The following CUBN variants were observed in gnomAD, a reference collection of about 807,000 sequenced individuals.
The protein encoded by CUBN is cubilin.
Under a neutral mutation model 405.3 loss-of-function variants are expected in CUBN, and 282 were observed. That is an observed-to-expected ratio of 0.70 (90% CI 0.63 to 0.77). The LOEUF (loss-of-function observed/expected upper bound fraction) is 0.77, where lower values mean the gene tolerates loss of function less well. Ranked by LOEUF, CUBN falls within the 30% of genes least tolerant of loss-of-function variation. CUBN has a pLI of 0.00. For synonymous variants in CUBN, 1,684 were observed against 1,617.0 expected, an observed-to-expected ratio of 1.04 and a Z score of -0.99; for missense variants, 4,514 against 4,475.2, an observed-to-expected ratio of 1.01 and a Z score of -0.25.
chr10:16,992,814 A>G (rs1336338589), intron 28 of CUBN, among the ~76,000 whole-genome samples: 2 of 152,224 alleles, frequency 1.3e-5, no homozygotes, highest in Non-Finnish European at 2.9e-5. Flanking sequence ...AAGCCTACGA[A>G]AAAGCTGTTT....
intron 14 of CUBN, among the ~76,000 whole-genome samples, chr10:17,096,220 T>C (rs1836372801): frequency 6.6e-6 from 1 of 152,110 alleles, no homozygotes; most frequent in African/African-American, 2.4e-5. Context: ...ATGTACAGCA[T>C]GGTGACTATC....
In CUBN at chr10:16,913,981, C is replaced by A. The variant is rs761577575; in HGVS notation, c.7363G>T (p.Asp2455Tyr). The A allele has an allele frequency of 5.6e-6, 9 of 1,613,868 alleles. No homozygotes were observed. In the Admixed American group the frequency reaches 1.2e-4, roughly 21 times the overall value. The part of the protein sequence containing the change: ...FESSMEECGG[D>Y]LQGSIGTFTS... Reference sequence around the variant, plus strand: ...AATGTTCCAATAGAGCCCTGAAGATCCCCACCACACTCTGACGTGGGGAAA... The same window carrying A: ...AATGTTCCAATAGAGCCCTGAAGATACCCACCACACTCTGACGTGGGGAAA... The change falls in exon 48 of 67, where the codon GAT becomes TAT. Residue 2455 changes from aspartate (D) to tyrosine (Y), a missense_variant. Around this residue, in one of 5 missense-constraint regions of CUBN, gnomAD observed 1,613 missense variants for 1,542.8 expected, o/e 1.05. Coordinates refer to ENST00000377833, the MANE Select transcript of CUBN (RefSeq NM_001081.4).
chr10:16,936,797 C>G (rs1175859516), intron 39 of CUBN, among the ~76,000 whole-genome samples: 1 of 152,170 alleles, frequency 6.6e-6, no homozygotes, highest in Admixed American at 6.5e-5. Context: ...ACTACAAACT[C>G]TACTCTGCCT....
At chr10:16,997,736 A>G (rs1833775485) in intron 28 of CUBN, among the ~76,000 whole-genome samples, 1 of 152,234 alleles carries the variant, frequency 6.6e-6, no homozygotes, top group African/African-American at 2.4e-5. Context: ...AAAGTTGTCC[A>G]AAGGTGACTG....
chr10:16,892,008 A>G (rs1588625013), intron 54 of CUBN, among the ~76,000 whole-genome samples: 1 of 152,200 alleles, frequency 6.6e-6, no homozygotes, highest in African/African-American at 2.4e-5. Context: ...ATGATACCAA[A>G]TTACTCATTC....
At chr10:17,008,904 T>C (rs1834103698) in intron 28 of CUBN, among the ~76,000 whole-genome samples, 1 of 152,174 alleles carries the variant, frequency 6.6e-6, no homozygotes, top group African/African-American at 2.4e-5. Context: ...AAGACATCCT[T>C]AGTGTCTGTG....
At chr10:16,880,508 A>C (rs1840639143) in intron 56 of CUBN, among the ~76,000 whole-genome samples, 1 of 152,260 alleles carries the variant, frequency 6.6e-6, no homozygotes, top group Non-Finnish European at 1.5e-5. Flanking sequence ...CGGGGAAGAG[A>C]GAGCATGCTG....
At chr10:16,946,287 TACTCTAGG>T (rs1290562032) in intron 36 of CUBN, among the ~76,000 whole-genome samples, 1 of 152,076 alleles carries the variant, frequency 6.6e-6, no homozygotes, top group Non-Finnish European at 1.5e-5. Context: ...TTTTTACATC[TACTCTAGG>T]ACATATTATT....
At chr10:16,846,274 C>T (rs974886247) in intron 60 of CUBN, among the ~76,000 whole-genome samples, 7 of 152,276 alleles carry the variant, frequency 4.6e-5, no homozygotes, top group Non-Finnish European at 1.0e-4. Context: ...ATAACCCACC[C>T]GTATTTGTTT....
intron 14 of CUBN, among the ~76,000 whole-genome samples, chr10:17,090,908 T>G (rs1226452029): frequency 1.3e-5 from 2 of 151,984 alleles, no homozygotes; most frequent in East Asian, 3.8e-4. Flanking sequence ...GGGTATTTTT[T>G]CTTTAAAAAA....
At chr10:16,920,664 T>C (rs1490694187) in intron 43 of CUBN, among the ~76,000 whole-genome samples, 4 of 152,248 alleles carry the variant, frequency 2.6e-5, no homozygotes, top group African/African-American at 7.2e-5. Context: ...TTATTAGTAA[T>C]GTTATGCCAG....
At chr10:16,992,158 A>G (rs1833608765) in intron 28 of CUBN, among the ~76,000 whole-genome samples, 1 of 151,554 alleles carries the variant, frequency 6.6e-6, no homozygotes, top group Non-Finnish European at 1.5e-5. Context: ...ACCAAACACC[A>G]CATGTTCTCA....
intron 31 of CUBN, among the ~76,000 whole-genome samples, chr10:16,977,361 T>C (rs1833129155): frequency 6.6e-6 from 1 of 151,860 alleles, no homozygotes; most frequent in African/African-American, 2.4e-5. Context: ...GATGAGCAGA[T>C]AAATAGAAGA....
At chr10:16,967,007 T>C (rs1653669897) in intron 31 of CUBN, among the ~76,000 whole-genome samples, 1 of 152,090 alleles carries the variant, frequency 6.6e-6, no homozygotes, top group Admixed American at 6.6e-5. Context: ...AAACATTAAG[T>C]GATAGGGAGG....
rs1839326293 is a variant in CUBN at position 16,840,873 on chromosome 10, C to T, written c.9826+12G>A. The T allele has an allele frequency of 6.9e-6, 11 of 1,602,666 alleles. No individual in the cohort carries two copies. Among genetic ancestry groups the T allele is most frequent in the Non-Finnish European group, 9.4e-6 (11 of 1,171,112 alleles). On this transcript the variant is annotated intron_variant, in intron 61 of 66. Coordinates refer to ENST00000377833, the MANE Select transcript of CUBN (RefSeq NM_001081.4). ...TATTTCATAACATATAAAAATGCTT[C>T]TATTTACTCACTGTCCATGATGGTG...
chr10:16,936,463 A>G (rs1161003397), intron 39 of CUBN, among the ~76,000 whole-genome samples: 1 of 152,244 alleles, frequency 6.6e-6, no homozygotes, highest in African/African-American at 2.4e-5. Flanking sequence ...ACTAAGGGAC[A>G]TTAAATAAAT....
At chr10:16,912,455 A>G (rs1841759534) in intron 48 of CUBN, among the ~76,000 whole-genome samples, 1 of 152,220 alleles carries the variant, frequency 6.6e-6, no homozygotes. Flanking sequence ...GAAGCAGACA[A>G]TAAACTGATG....
At chr10:17,119,912 T>A (rs999226554) in intron 6 of CUBN, among the ~76,000 whole-genome samples, 1 of 152,216 alleles carries the variant, frequency 6.6e-6, no homozygotes, top group East Asian at 1.9e-4. Flanking sequence ...GGACTTTCCA[T>A]GAATGAGTAT....
At chr10:16,973,233 C>T (rs1013276639) in intron 31 of CUBN, among the ~76,000 whole-genome samples, 2 of 152,142 alleles carry the variant, frequency 1.3e-5, no homozygotes, top group African/African-American at 2.4e-5. Flanking sequence ...TTGCAGCCTC[C>T]CCTCGTGGCC....
Sources: gnomAD v4.1 joint callset for allele counts (sites outside exome capture counted in the v4.1 genomes callset) on GRCh38, gnomAD v4.1.1 for gene constraint, gnomAD v4.1.1 regional missense constraint, MANE v1.5 for transcripts, NCBI Gene and HGNC (gene_info 2026-07-23, HGNC 2026-07-21) for gene names.